Variants in DACH2 observed in about 807,000 individuals in gnomAD.
The protein encoded by DACH2 is dachshund homolog 2.
Under a neutral mutation model 35.8 loss-of-function variants are expected in DACH2, and 17 were observed. The observed-to-expected ratio is 0.48, with a 90% CI of 0.33 to 0.71. The LOEUF (loss-of-function observed/expected upper bound fraction) is 0.71. Ranked by LOEUF, DACH2 falls within the 30% of genes least tolerant of loss-of-function variation. The probability of loss-of-function intolerance (pLI) is 0.02; values close to 1 mark genes in which losing one functional copy is unlikely to be tolerated. For missense variants in DACH2, 469 were observed against 472.7 expected (o/e 0.99, Z 0.07); for synonymous variants, 195 against 177.3 (o/e 1.10, Z -0.79).
intron 1 of DACH2, among the ~76,000 whole-genome samples, chrX:86,199,633 C>T (rs1446724590): frequency 3.6e-5 from 4 of 111,383 alleles, no homozygotes; most frequent in African/African-American, 1.3e-4. Context: ...AAGCTGAGAG[C>T]CAAATCAGGA....
At chrX:86,272,149 C>T (rs151052066) in intron 1 of DACH2, among the ~76,000 whole-genome samples, 1,242 of 109,429 alleles carry the variant, frequency 0.011, 13 homozygotes, top group African/African-American at 0.039. Flanking sequence ...CATGTTGCTG[C>T]GAAACATATG....
chrX:86,406,520 C>A (rs893384611), intron 2 of DACH2, among the ~76,000 whole-genome samples: 1 of 111,918 alleles, frequency 8.9e-6, no homozygotes, highest in Non-Finnish European at 1.9e-5. Flanking sequence ...CACATATTCA[C>A]CCTGAATCTA....
At chrX:86,793,360 T>G in intron 7 of DACH2, among the ~76,000 whole-genome samples, 1 of 111,400 alleles carries the variant, frequency 9.0e-6, no homozygotes, top group Non-Finnish European at 1.9e-5. Context: ...TGTGGATTGT[T>G]TGCTAGTACA....
intron 1 of DACH2, among the ~76,000 whole-genome samples, chrX:86,340,793 G>A (rs185831150): frequency 1.8e-4 from 20 of 112,104 alleles, no homozygotes; most frequent in Non-Finnish European, 2.8e-4. Context: ...TGAAACAGCC[G>A]TTTGCTGATG....
intron 3 of DACH2, among the ~76,000 whole-genome samples, chrX:86,528,473 G>A (rs67596007): frequency 0.14 from 15,329 of 111,134 alleles, 916 homozygotes; most frequent in East Asian, 0.24. Context: ...AAAGACCCAT[G>A]TTTAGTTTCA....
rs182329023 is a variant in DACH2 at position 86,422,294 on chromosome X, T to A, written c.527+45432T>A. ...TTTTCTGAATCAACTGACAGGATAG[T>A]TTCAAAAGACTATTTTGTCCTTGGT... On this transcript the variant is annotated intron_variant, in intron 2 of 11. Transcript: ENST00000373125. Among the ~76,000 whole-genome samples the A allele has an allele frequency of 4.4e-3, 485 of 111,333 alleles. 2 individuals are homozygous for A. The highest frequency in any genetic ancestry group is 0.015 in the African/African-American group (472 of 30,811).
At chrX:86,457,615 C>G (rs1392303815) in intron 2 of DACH2, among the ~76,000 whole-genome samples, 2 of 112,200 alleles carry the variant, frequency 1.8e-5, no homozygotes, top group East Asian at 5.6e-4. Flanking sequence ...AGCAAAACTA[C>G]ACATTATAGT....
chrX:86,751,801 G>A (rs767444586), intron 7 of DACH2, among the ~76,000 whole-genome samples: 3 of 111,506 alleles, frequency 2.7e-5, no homozygotes, highest in East Asian at 2.8e-4. Flanking sequence ...TGTTTATTGC[G>A]GTGCTATTCA....
intron 3 of DACH2, among the ~76,000 whole-genome samples, chrX:86,612,336 C>A (rs1293764305): frequency 9.2e-6 from 1 of 108,869 alleles, no homozygotes; most frequent in Admixed American, 1.0e-4. Flanking sequence ...AAGGGTCATG[C>A]AAGCACTTCC....
intron 2 of DACH2, among the ~76,000 whole-genome samples, chrX:86,503,216 C>A (rs991479291): frequency 1.8e-5 from 2 of 111,511 alleles, no homozygotes; most frequent in African/African-American, 6.5e-5. Flanking sequence ...GGCATTGAAC[C>A]GTGAATGTAA....
intron 2 of DACH2, among the ~76,000 whole-genome samples, chrX:86,494,912 G>A (rs758212793): frequency 1.3e-4 from 15 of 112,322 alleles, no homozygotes; most frequent in Non-Finnish European, 2.3e-4. Flanking sequence ...ATTTCTAGTG[G>A]TCGCATTTAA....
At chrX:86,294,634 C>T (rs749247839) in intron 1 of DACH2, among the ~76,000 whole-genome samples, 24 of 109,187 alleles carry the variant, frequency 2.2e-4, no homozygotes, top group Admixed American at 2.0e-3. Flanking sequence ...GTTAGTTTTC[C>T]TTCTAACAGA....
At position 86,661,860 on chromosome X, in the gene DACH2, A is replaced by G. The variant is rs755759725; in HGVS notation, c.772+10693A>G. Among the ~76,000 whole-genome samples the G allele has an allele frequency of 3.6e-5, 4 of 111,981 alleles. No homozygotes were observed. In the East Asian group the frequency reaches 1.1e-3, roughly 31 times the overall value. ...ACCATGCATTTCCTGGATACTCTGC[A>G]CTCTATGGTCTTTCTTATGCAAATT... On this transcript the variant is annotated intron_variant, in intron 4 of 11. Coordinates refer to ENST00000373125, the MANE Select transcript of DACH2 (RefSeq NM_053281.3).
At chrX:86,758,497 A>G (rs2041849766) in intron 7 of DACH2, among the ~76,000 whole-genome samples, 1 of 111,965 alleles carries the variant, frequency 8.9e-6, no homozygotes, top group Non-Finnish European at 1.9e-5. Flanking sequence ...GACATTCAGG[A>G]GCATGTTGTT....
chrX:86,341,792 A>T (rs188314276), intron 1 of DACH2, among the ~76,000 whole-genome samples: 2 of 112,052 alleles, frequency 1.8e-5, no homozygotes, highest in East Asian at 5.6e-4. Flanking sequence ...GCCCTCGGGG[A>T]TGACTGAGGT....
At chrX:86,428,760 A>G (rs1178404087) in intron 2 of DACH2, among the ~76,000 whole-genome samples, 1 of 109,243 alleles carries the variant, frequency 9.2e-6, no homozygotes, top group African/African-American at 3.3e-5. Flanking sequence ...TCGATTCACT[A>G]GGTTTTTTGA....
chrX:86,551,556 C>T (rs964015823), intron 3 of DACH2, among the ~76,000 whole-genome samples: 1 of 111,284 alleles, frequency 9.0e-6, no homozygotes, highest in Non-Finnish European at 1.9e-5. Context: ...GGGAGAGTTT[C>T]TGTTGACATT....
chrX:86,816,876 A>G (rs931677497), intron 11 of DACH2, among the ~76,000 whole-genome samples: 1 of 111,980 alleles, frequency 8.9e-6, no homozygotes, highest in Non-Finnish European at 1.9e-5. Context: ...AAAAATAAAG[A>G]ACATTTTTAT....
At chrX:86,567,827 T>A (rs187461431) in intron 3 of DACH2, among the ~76,000 whole-genome samples, 10 of 111,627 alleles carry the variant, frequency 9.0e-5, no homozygotes, top group Admixed American at 2.9e-4. Flanking sequence ...AGCTGAAAAC[T>A]TACATCCAAA....
Sources: allele counts gnomAD v4.1 joint callset (sites outside exome capture counted in the v4.1 genomes callset), GRCh38; gene constraint gnomAD v4.1.1; transcripts MANE v1.5; gene names NCBI Gene and HGNC (gene_info 2026-07-23, HGNC 2026-07-21).